The following CEP72 variants were observed in gnomAD, a reference collection of about 807,000 sequenced individuals.
CEP72 encodes centrosomal protein 72.
CEP72 carries 78 observed loss-of-function variants against 65.7 expected under a neutral mutation model. The observed-to-expected ratio is 1.19, with a 90% confidence interval of 0.99 to 1.43. The LOEUF (loss-of-function observed/expected upper bound fraction) is 1.43. CEP72 is among the 40% of genes most tolerant of loss of function. The pLI is 0.00. For missense variants in CEP72, 914 were observed against 832.9 expected, an observed-to-expected ratio of 1.10 and a Z score of -1.20; for synonymous variants, 358 against 351.7, an observed-to-expected ratio of 1.02 and a Z score of -0.20.
downstream of CEP72, among the ~76,000 whole-genome samples, chr5:655,964 G>T (rs1739367169): frequency 2.6e-5 from 4 of 152,044 alleles, no homozygotes. The surrounding 1 kb of genome is among the most constrained non-coding windows in gnomAD (Gnocchi z 5.0). Context: ...AAGCATTTTG[G>T]ATCCTAATTT....
At chr5:621,736 G>A (rs752159520) in intron 3 of CEP72, among the ~76,000 whole-genome samples, 4 of 152,236 alleles carry the variant, frequency 2.6e-5, no homozygotes, top group Admixed American at 6.5e-5. Context: ...TATCTTGATG[G>A]TGATGTGATC....
Position 624,547 on chromosome 5 carries a change from A to G in CEP72, c.480A>G (p.Lys160=). The G allele has an allele frequency of 1.2e-6, 2 of 1,613,918 alleles. No individual in the cohort carries two copies. Among genetic ancestry groups the G allele is most frequent in the African/African-American group, 1.3e-5 (1 of 75,046 alleles). The change falls in exon 4 of 12, where the codon AAA becomes AAG. Residue 160 remains lysine (K), a synonymous_variant. Transcript: ENST00000264935. This position sits in a 1 kb window ranked among gnomAD's most constrained non-coding sequence, Gnocchi z 4.7. ...HFASEDSLDS[K]ESVPASLKEG... ...CATCAGAGGACTCACTCGACTCCAA[A>G]GAGAGCGTCCCAGCTTCTTTGAAAG...
intron 9 of CEP72, chr5:641,470 G>A (rs1738017386): frequency 1.0e-6 from 1 of 985,440 alleles, no homozygotes; most frequent in Non-Finnish European, 1.2e-6. Flanking sequence ...CATACTGTCC[G>A]TTTCATGGGA....
rs1047738617 is a variant in CEP72, at chr5:634,365, C to T, written c.691+418C>T. On this transcript the variant is annotated intron_variant, in intron 5 of 11. Transcript: ENST00000264935. ...TCCCAGCAAGGGTGTCTCGGAGACT[C>T]CGTTGCCCGGTGGCACTGCCCTCCA... Among the ~76,000 whole-genome samples the T allele has an allele frequency of 2.8e-4, 42 of 152,224 alleles. 1 individual carries two copies. The highest frequency in any genetic ancestry group is 9.9e-4 in the African/African-American group (41 of 41,460).
intron 1 of CEP72, among the ~76,000 whole-genome samples, chr5:617,211 A>G (rs1407960412): frequency 2.0e-5 from 3 of 152,142 alleles, no homozygotes; most frequent in Non-Finnish European, 2.9e-5. Context: ...TTCTCTCTCG[A>G]GTGCCGAGGC....
At position 637,504 on chromosome 5, in the gene CEP72, C is replaced by T. The variant is rs1261489544; in HGVS notation, c.905-13C>T. On this transcript the variant is annotated splice_polypyrimidine_tract_variant and intron_variant, in intron 6 of 11. Transcript: ENST00000264935. ...TTTGGCCTGACGTGCGCCCCATCCT[C>T]TCTATATCTCAGACTCCATGGATAC... 1 of 1,605,986 alleles carries T rather than the reference C, an allele frequency of 6.2e-7. No homozygotes were observed. The highest frequency in any genetic ancestry group is 8.5e-7 in the Non-Finnish European group (1 of 1,174,804).
intron 11 of CEP72, among the ~76,000 whole-genome samples, chr5:650,772 T>G (rs772244578): frequency 3.4e-4 from 5 of 14,912 alleles, no homozygotes; most frequent in African/African-American, 7.9e-4. Context: ...GACTGTGAGG[T>G]GTGACTGTGA....
At chr5:628,317 G>A (rs1736887084) in intron 4 of CEP72, among the ~76,000 whole-genome samples, 1 of 152,360 alleles carries the variant, frequency 6.6e-6, no homozygotes, top group South Asian at 2.1e-4. Flanking sequence ...AGAGGAGGTG[G>A]GGGACGCCCA....
In CEP72 at chr5:637,827, A is replaced by G. The variant is rs200698813; in HGVS notation, c.1206+9A>G. On this transcript the variant is annotated intron_variant, in intron 7 of 11. Transcript: ENST00000264935. ...TGACCGACACCAGAGAGGTGAGAGA[A>G]GGGCTGGGGAGCAGCAGGCCCACGG... The G allele has an allele frequency of 3.2e-4, 486 of 1,526,016 alleles. No homozygotes were observed. The African/African-American group carries it at 6.2e-3, about 19-fold the overall frequency. 94.5% of individuals were successfully genotyped at this position (1,526,016 alleles called of 1,614,324 possible).
downstream of CEP72, chr5:661,246 C>CA (rs1383038767): frequency 6.6e-6 from 1 of 151,362 alleles, no homozygotes; most frequent in African/African-American, 2.4e-5. Context: ...CTCCTGGTGT[C>CA]ACCCCTGACA....
intron 3 of CEP72, among the ~76,000 whole-genome samples, chr5:620,612 A>G (rs1403175926): frequency 6.6e-6 from 1 of 152,190 alleles, no homozygotes; most frequent in African/African-American, 2.4e-5. Context: ...CATAGCCCCC[A>G]GGTATCATCT....
intron 2 of CEP72, 110 bp downstream of exon 2, chr5:619,227 G>A (rs1034664879): frequency 1.6e-5 from 15 of 925,694 alleles, no homozygotes; most frequent in South Asian, 1.5e-4. Context: ...ATCTGTATAC[G>A]GTACACTTTG....
At chr5:656,610 T>G (rs1305721417), downstream of CEP72, among the ~76,000 whole-genome samples, 1 of 152,260 alleles carries the variant, frequency 6.6e-6, no homozygotes, top group African/African-American at 2.4e-5. Context: ...AATTCATTTT[T>G]GTGTATTAAT....
Position 653,078 on chromosome 5 carries a change from C to G in CEP72, c.1869C>G (p.Ser623Arg), listed in dbSNP as rs772513434. Residue 623 changes from serine (S) to arginine (R), a missense_variant, in exon 12 of 12, where the codon AGC becomes AGG. By Grantham distance (110) the Ser-to-Arg change is moderately radical. Transcript: ENST00000264935. ...HRAEVEQMHWSYQELKKTMAL... is the reference protein window; with the variant it reads ...HRAEVEQMHWRYQELKKTMAL... ...CCGAGGTGGAGCAGATGCACTGGAG[C>G]TACCAGGAGCTCAAGAAGACCATGG... 5.0e-6 allele frequency: 8 copies of G among 1,613,840 alleles called. No homozygotes were observed. The African/African-American group carries it at 8.0e-5, about 16-fold the overall frequency.
intron 9 of CEP72, chr5:641,361 A>T (rs1283474789): frequency 1.0e-6 from 1 of 985,382 alleles, no homozygotes; most frequent in African/African-American, 1.7e-5. Flanking sequence ...CCACGTGAGG[A>T]TGTGCACATC....
At chr5:659,580 TC>T (rs1247928170), downstream of CEP72, among the ~76,000 whole-genome samples, 1 of 152,006 alleles carries the variant, frequency 6.6e-6, no homozygotes. Flanking sequence ...TTCACAGTGT[TC>T]ATGTCCATTC....
chr5:615,508 T>TA (rs1735938403), intron 1 of CEP72, among the ~76,000 whole-genome samples: 1 of 152,214 alleles, frequency 6.6e-6, no homozygotes, highest in Non-Finnish European at 1.5e-5. Flanking sequence ...TTACGGTAGC[T>TA]TCTTTTGATT....
Position 647,908 on chromosome 5 carries a change from G to A in CEP72, c.1770G>A (p.Glu590=), listed in dbSNP as rs1380482556. The A allele has an allele frequency of 6.2e-7, 1 of 1,610,056 alleles. No homozygotes were observed. Among genetic ancestry groups the A allele is most frequent in the African/African-American group, 1.3e-5 (1 of 74,960 alleles). The change falls in exon 11 of 12, where the codon GAG becomes GAA. Residue 590 remains glutamate (E), a synonymous_variant. Coordinates refer to ENST00000264935, the MANE Select transcript of CEP72 (RefSeq NM_018140.4). The part of the protein sequence containing the change: ...KIQELTQMLQ[E]SHSSLVSTNE... The stretch of plus-strand genomic sequence containing the variant: ...AGGAGCTCACGCAGATGCTGCAGGA[G>A]AGCCACAGGTGCCTGCCCGTGAGAC...
rs201637645 is a variant in CEP72, at chr5:635,557, C to T, written c.877C>T (p.Pro293Ser). The stretch of plus-strand genomic sequence containing the variant: ...GCCAGAGGCCTCCCGTGCCCCCAGG[C>T]CACACACGTACTTCACCCCACACCC... ...AEPEASRAPR[P>S]HTYFTPHPDS... The change falls in exon 6 of 12, where the codon CCA becomes TCA. Residue 293 changes from proline (P) to serine (S), a missense_variant. By Grantham distance (74) the Pro-to-Ser change is moderately conservative (BLOSUM62 -1). Transcript: ENST00000264935. 2.4e-5 allele frequency: 38 copies of T among 1,613,524 alleles called. 1 individual carries two copies. The highest frequency in any genetic ancestry group is 1.8e-4 in the Admixed American group (11 of 60,006).
Sources: allele counts gnomAD v4.1 joint callset (sites outside exome capture counted in the v4.1 genomes callset), GRCh38; gene constraint gnomAD v4.1.1; non-coding constraint Gnocchi (gnomAD v3.1); transcripts MANE v1.5; gene names NCBI Gene and HGNC (gene_info 2026-07-23, HGNC 2026-07-21).